The following EPHA3 variants were observed in gnomAD, a reference collection of about 807,000 sequenced individuals.
EPHA3 encodes the protein ephrin type-A receptor 3.
EPHA3 carries 42 observed loss-of-function variants against 107.1 expected under a neutral mutation model. The observed-to-expected ratio is 0.39, with a 90% CI of 0.31 to 0.51. The LOEUF (loss-of-function observed/expected upper bound fraction) is 0.51, where lower values mean the gene tolerates loss of function less well. Ranked by LOEUF, EPHA3 falls within the 20% of genes least tolerant of loss-of-function variation. EPHA3 has a pLI of 0.78. For missense variants in EPHA3, 1,183 were observed against 1,211.2 expected (o/e 0.98, Z 0.35); for synonymous variants, 461 against 424.8 (o/e 1.09, Z -1.05).
At chr3:89,166,075 C>G (rs1200609726) in intron 2 of EPHA3, among the ~76,000 whole-genome samples, 1 of 152,130 alleles carries the variant, frequency 6.6e-6, no homozygotes, top group Non-Finnish European at 1.5e-5. Context: ...TGATCTAACT[C>G]CAGATTCCCG....
At chr3:89,400,226 C>T (rs1354831391) in intron 7 of EPHA3, 2 of 302,572 alleles carry the variant, frequency 6.6e-6, no homozygotes, top group African/African-American at 2.6e-5. Context: ...CGGAGTCTTG[C>T]TCTGTCACCC....
In EPHA3 at chr3:89,250,777, C is replaced by A. The variant is rs140690517; in HGVS notation, c.814+40257C>A. 2.0e-5 allele frequency among the ~76,000 whole-genome samples: 3 copies of A among 152,270 alleles called. No homozygotes were observed. In the East Asian group the frequency reaches 5.8e-4, roughly 29 times the overall value. On this transcript the variant is annotated intron_variant, in intron 3 of 16. Coordinates refer to ENST00000336596, the MANE Select transcript of EPHA3 (RefSeq NM_005233.6). ...AATGGCTTCTGGATGTAAAATCCTG[C>A]CATATATTTTTAAAGTATTTTATGT... is the stretch of plus-strand genomic sequence containing the variant.
At chr3:89,400,064 A>C (rs1708927363) in intron 7 of EPHA3, 2 of 1,030,072 alleles carry the variant, frequency 1.9e-6, no homozygotes, top group Non-Finnish European at 2.3e-6. Context: ...TTTCAAATGA[A>C]TTTTCTTCAT....
At chr3:89,341,641 A>G in intron 4 of EPHA3, 114 bp from the exon 5 acceptor site, 1 of 826,688 alleles carries the variant, frequency 1.2e-6, no homozygotes, top group South Asian at 1.8e-5. Flanking sequence ...CTGAAAGTTG[A>G]TAATAAAGAA....
intron 13 of EPHA3, among the ~76,000 whole-genome samples, chr3:89,435,918 A>C (rs1317974198): frequency 6.6e-6 from 1 of 150,598 alleles, no homozygotes. Context: ...GTGCCATTGC[A>C]CTCTAGCCTG....
chr3:89,212,480 T>A (rs1348623452), intron 3 of EPHA3, among the ~76,000 whole-genome samples: 1 of 152,082 alleles, frequency 6.6e-6, no homozygotes, highest in Non-Finnish European at 1.5e-5. Context: ...CTTGATTTTT[T>A]CATTTGGATA....
At chr3:89,472,802 G>A (rs994322634) in intron 16 of EPHA3, among the ~76,000 whole-genome samples, 183 bp downstream of exon 16, 2 of 152,090 alleles carry the variant, frequency 1.3e-5, no homozygotes, top group African/African-American at 2.4e-5. Flanking sequence ...ACAGCTTCTG[G>A]ATTGATACAT....
intron 16 of EPHA3, among the ~76,000 whole-genome samples, chr3:89,476,092 T>A (rs1179387314): frequency 1.3e-5 from 2 of 148,218 alleles, no homozygotes; most frequent in East Asian, 3.9e-4. Flanking sequence ...TATAAAACAT[T>A]TATATGTAGT....
intron 3 of EPHA3, among the ~76,000 whole-genome samples, chr3:89,220,927 T>C (rs1259293146): frequency 6.6e-6 from 1 of 152,218 alleles, no homozygotes; most frequent in Non-Finnish European, 1.5e-5. Flanking sequence ...CTTCATTTAA[T>C]CCTCTCAACA....
At chr3:89,385,526 T>C (rs575681511) in intron 5 of EPHA3, among the ~76,000 whole-genome samples, 1 of 152,322 alleles carries the variant, frequency 6.6e-6, no homozygotes, top group East Asian at 1.9e-4. Context: ...CTGCCATGAT[T>C]GTAAATTTCC....
At chr3:89,240,134 G>T (rs972127993) in intron 3 of EPHA3, among the ~76,000 whole-genome samples, 1 of 152,128 alleles carries the variant, frequency 6.6e-6, no homozygotes, top group African/African-American at 2.4e-5. Flanking sequence ...ACAAAAGCAG[G>T]TCGCATGGTT....
intron 2 of EPHA3, among the ~76,000 whole-genome samples, chr3:89,207,921 C>A (rs1576230778): frequency 1.3e-5 from 2 of 152,106 alleles, no homozygotes; most frequent in Admixed American, 6.5e-5. Flanking sequence ...GCCTATGAAA[C>A]AAAATTAAAC....
In EPHA3 at chr3:89,478,502, C is replaced by T. The variant is rs117283713; in HGVS notation, c.2847-895C>T. 1.9e-3 allele frequency among the ~76,000 whole-genome samples: 294 copies of T among 152,244 alleles called. 5 individuals carry two copies. In the East Asian group the frequency reaches 0.043, roughly 22 times the overall value. On this transcript the variant is annotated intron_variant, in intron 16 of 16. Transcript: ENST00000336596. ...AGGGCTGGAGATGCTTTCATTTCGA[C>T]GTCTGCCTTGGTACAGTTAGCTGTA...
At chr3:89,132,158 A>C (rs1247461202) in intron 2 of EPHA3, among the ~76,000 whole-genome samples, 1 of 152,108 alleles carries the variant, frequency 6.6e-6, no homozygotes, top group Admixed American at 6.5e-5. Context: ...TTGTTCTGTA[A>C]AGGCTCTGGG....
chr3:89,153,403 C>T (rs536684057), intron 2 of EPHA3, among the ~76,000 whole-genome samples: 3 of 152,106 alleles, frequency 2.0e-5, no homozygotes, highest in South Asian at 4.1e-4. Flanking sequence ...ATCTCCATTT[C>T]TGAGATATTA....
At chr3:89,442,987 T>C (rs188914422) in intron 13 of EPHA3, among the ~76,000 whole-genome samples, 1 of 152,320 alleles carries the variant, frequency 6.6e-6, no homozygotes, top group Non-Finnish European at 1.5e-5. Context: ...TTTCATTTTA[T>C]TAAGACATCA....
chr3:89,455,158 G>T (rs1710071373), intron 15 of EPHA3, among the ~76,000 whole-genome samples: 1 of 152,112 alleles, frequency 6.6e-6, no homozygotes, highest in Non-Finnish European at 1.5e-5. Flanking sequence ...AATAAATGGT[G>T]TTTTCTGCCA....
chr3:89,468,207 A>G (rs1223139960), intron 15 of EPHA3, among the ~76,000 whole-genome samples: 2 of 152,068 alleles, frequency 1.3e-5, no homozygotes, highest in Non-Finnish European at 2.9e-5. Context: ...GAAAAATGAT[A>G]CTTTGCAGGG....
Position 89,231,605 on chromosome 3 carries a change from G to A in EPHA3, c.814+21085G>A, listed in dbSNP as rs78221009. ...TGCAGATGGATAACCTGGTGATCCC[G>A]TTAGAAGTGCAGTCCTTAGGTTTGG... On this transcript the variant is annotated intron_variant, in intron 3 of 16. Coordinates refer to ENST00000336596, the MANE Select transcript of EPHA3 (RefSeq NM_005233.6). Among the ~76,000 whole-genome samples, 136 of 152,196 alleles carry A rather than the reference G, an allele frequency of 8.9e-4. 1 individual carries two copies. The highest frequency in any genetic ancestry group is 3.1e-3 in the Admixed American group (48 of 15,284).
Sources: gnomAD v4.1 joint callset for allele counts (sites outside exome capture counted in the v4.1 genomes callset) on GRCh38, gnomAD v4.1.1 for gene constraint, MANE v1.5 for transcripts, NCBI Gene and HGNC (gene_info 2026-07-23, HGNC 2026-07-21) for gene names.